Variants in TSC22D1 observed in about 807,000 individuals in gnomAD.
The protein encoded by TSC22D1 is TSC22 domain family protein 1.
TSC22D1 carries 9 observed loss-of-function variants against 74.2 expected under a neutral mutation model. That is an observed-to-expected ratio of 0.12 (90% CI 0.07 to 0.21). The LOEUF (loss-of-function observed/expected upper bound fraction) is 0.21. Among genes scored for constraint, TSC22D1 ranks in the 10% least tolerant of loss-of-function variants. TSC22D1 has a pLI of 1.00. For synonymous variants in TSC22D1, 586 were observed against 492.5 expected (o/e 1.19, Z -2.51); for missense variants, 1,427 against 1,304.7 (o/e 1.09, Z -1.44).
intron 1 of TSC22D1, among the ~76,000 whole-genome samples, chr13:44,555,749 CAA>C (rs572955074): frequency 1.4e-5 from 2 of 139,450 alleles, no homozygotes; most frequent in African/African-American, 2.6e-5. Context: ...ATTAAAATAC[CAA>C]AAAAAAAAAA....
At chr13:44,544,379 T>C (rs962065009) in intron 1 of TSC22D1, among the ~76,000 whole-genome samples, 30 of 149,682 alleles carry the variant, frequency 2.0e-4, no homozygotes, top group African/African-American at 7.4e-4. Flanking sequence ...CCCACCCAAG[T>C]TCTTCGGAAT....
chr13:44,468,871 A>G (rs902366593), intron 1 of TSC22D1, among the ~76,000 whole-genome samples: 1 of 135,182 alleles, frequency 7.4e-6, no homozygotes, highest in African/African-American at 2.5e-5. Flanking sequence ...GAAATTTTAT[A>G]TAACATAGTT....
chr13:44,531,233 T>A (rs974333396), intron 1 of TSC22D1, among the ~76,000 whole-genome samples: 1 of 152,228 alleles, frequency 6.6e-6, no homozygotes, highest in Non-Finnish European at 1.5e-5. Flanking sequence ...GGGAACTCTC[T>A]ACACTTACTG....
At chr13:44,452,573 GGTGA>G (rs948813630) in intron 1 of TSC22D1, 3 of 152,344 alleles carry the variant, frequency 2.0e-5, no homozygotes, top group Admixed American at 1.3e-4. Context: ...CATGGGGAAG[GGTGA>G]GTATGTCTTA....
rs1884056759 is a variant in TSC22D1, at chr13:44,574,564, T to C, written c.1511A>G (p.Gln504Arg). ...GAGAGCTGGTTGTTGCTGTTGTTGT[T>C]GTTGTTGCTGCTGCTGCTGCTGCAC... ...VVVQQQQQQQ[Q>R]QQQQQPALQG... Residue 504 changes from glutamine (Q) to arginine (R), a missense_variant, in exon 1 of 3, where the codon CAA (glutamine) becomes CGA (arginine). This residue lies in a region of TSC22D1 where 1,343 missense variants were observed against 1,191.5 expected (regional missense o/e 1.13). Transcript: ENST00000458659. The C allele has an allele frequency of 2.5e-6, 4 of 1,614,086 alleles. No individual in the cohort carries two copies. The East Asian group carries it at 8.9e-5, about 36-fold the overall frequency.
Position 44,573,214 on chromosome 13 carries a change from G to A in TSC22D1, c.2861C>T (p.Pro954Leu). The change falls in exon 1 of 3, where the codon CCG (proline) becomes CTG (leucine). Residue 954 changes from proline (P) to leucine (L), a missense_variant. Around this residue, in one of 3 missense-constraint regions of TSC22D1, gnomAD observed 1,343 missense variants for 1,191.5 expected, o/e 1.13. Transcript: ENST00000458659. ...SSLAASASLFPLKVLPLTTPL... is the reference protein window; with the variant it reads ...SSLAASASLFLLKVLPLTTPL... ...TGTCGTCAGCGGTAGCACCTTCAAC[G>A]GGAAAAGAGAAGCAGAGGCTGCTAG... The A allele has an allele frequency of 1.9e-6, 3 of 1,614,178 alleles. No individual in the cohort carries two copies. Among genetic ancestry groups the A allele is most frequent in the African/African-American group, 1.3e-5 (1 of 75,034 alleles).
rs901476581 is a variant in TSC22D1, at chr13:44,433,949, G to A, written c.*677C>T. ...TAAATAGTAGTTACAGTCCTCTATT[G>A]TACAAAATAGTTACACTACATACAC... is the stretch of plus-strand genomic sequence containing the variant. On this transcript the variant is annotated 3_prime_UTR_variant, in exon 3 of 3. Transcript: ENST00000458659. The A allele has an allele frequency of 2.6e-6, 4 of 1,524,290 alleles. No individual in the cohort carries two copies. Among genetic ancestry groups the A allele is most frequent in the Admixed American group, 4.1e-5 (2 of 48,360 alleles). 94.4% of individuals were successfully genotyped at this position (1,524,290 alleles called of 1,614,324 possible).
intron 1 of TSC22D1, among the ~76,000 whole-genome samples, chr13:44,541,450 A>G (rs1044978083): frequency 6.6e-6 from 1 of 152,168 alleles, no homozygotes; most frequent in Non-Finnish European, 1.5e-5. Flanking sequence ...ATATTAAAGA[A>G]AAGAAAAAAG....
At chr13:44,525,094 A>G (rs1192634668) in intron 1 of TSC22D1, among the ~76,000 whole-genome samples, 4 of 152,244 alleles carry the variant, frequency 2.6e-5, no homozygotes, top group Admixed American at 2.6e-4. Flanking sequence ...TTCTCTCTCT[A>G]GCTTTCTTGT....
At chr13:44,519,017 C>T (rs1352629185) in intron 1 of TSC22D1, among the ~76,000 whole-genome samples, 1 of 152,154 alleles carries the variant, frequency 6.6e-6, no homozygotes, top group Non-Finnish European at 1.5e-5. Context: ...GGATTTAGTG[C>T]CAATTATTTT....
rs765174022 is a variant in TSC22D1 at position 44,573,402 on chromosome 13, T to A, written c.2673A>T (p.Pro891=). 2 of 1,614,212 alleles carry A rather than the reference T, an allele frequency of 1.2e-6. No homozygotes were observed. Among genetic ancestry groups the A allele is most frequent in the Non-Finnish European group, 1.7e-6 (2 of 1,180,044 alleles). The change falls in exon 1 of 3, where the codon CCA becomes CCT. Residue 891 remains proline, a synonymous_variant. Transcript: ENST00000458659. ...NTNLPLAQQI[P]LSSTQFSAQS... The stretch of plus-strand genomic sequence containing the variant: ...GTGCGGAGAACTGGGTAGAACTTAG[T>A]GGTATCTGTTGTGCCAAAGGCAAAT...
intron 1 of TSC22D1, among the ~76,000 whole-genome samples, chr13:44,566,917 A>T (rs1429097307): frequency 1.3e-5 from 2 of 152,190 alleles, no homozygotes; most frequent in Non-Finnish European, 2.9e-5. Context: ...CATCTATATA[A>T]GTGGGATGTG....
At chr13:44,528,766 TAA>T (rs1245572297) in intron 1 of TSC22D1, among the ~76,000 whole-genome samples, 1 of 151,990 alleles carries the variant, frequency 6.6e-6, no homozygotes, top group Non-Finnish European at 1.5e-5. Flanking sequence ...GGCTAGCCAA[TAA>T]AAGACACCAA....
At chr13:44,521,180 A>G (rs928884693) in intron 1 of TSC22D1, among the ~76,000 whole-genome samples, 6 of 152,168 alleles carry the variant, frequency 3.9e-5, no homozygotes, top group African/African-American at 1.4e-4. Flanking sequence ...TCTTAAGACA[A>G]TTGAGAACCT....
intron 1 of TSC22D1, among the ~76,000 whole-genome samples, chr13:44,530,023 A>G (rs1880746196): frequency 6.6e-6 from 1 of 152,136 alleles, no homozygotes; most frequent in Non-Finnish European, 1.5e-5. Flanking sequence ...ATTCAGTGCA[A>G]TCCCAGTCAA....
At chr13:44,444,278 C>CAAAAAAAAAAAAAAAAAAAAAAAAAACAA (rs1875435246) in intron 1 of TSC22D1, among the ~76,000 whole-genome samples, 1 of 17,580 alleles carries the variant, frequency 5.7e-5, no homozygotes, top group Non-Finnish European at 9.5e-5. Flanking sequence ...GACTCTGTCT[C>CAAAAAAAAAAAAAAAAAAAAAAAAAACAA]AAAAAAAAAA....
chr13:44,448,934 A>C lies in TSC22D1; in HGVS notation c.2913-12839T>G, dbSNP rs182856251. ...GTGTGTGTAAGATGTTAGACCTGGAAGAATAAAGGGACCATAAAGTGAAAT... is the reference window on the plus strand; with the variant it reads ...GTGTGTGTAAGATGTTAGACCTGGACGAATAAAGGGACCATAAAGTGAAAT... On this transcript the variant is annotated intron_variant, in intron 1 of 2. Coordinates refer to ENST00000458659, the MANE Select transcript of TSC22D1 (RefSeq NM_183422.4). Among the ~76,000 whole-genome samples, 32 of 152,048 alleles carry C rather than the reference A, an allele frequency of 2.1e-4. 1 individual carries two copies. The highest frequency in any genetic ancestry group is 2.1e-3 in the Admixed American group (32 of 15,262).
chr13:44,477,308 T>C (rs1877964895), intron 1 of TSC22D1, among the ~76,000 whole-genome samples: 1 of 152,204 alleles, frequency 6.6e-6, no homozygotes, highest in Admixed American at 6.5e-5. Flanking sequence ...TATTAGACTA[T>C]CCTAGTCACT....
intron 1 of TSC22D1, among the ~76,000 whole-genome samples, chr13:44,548,368 G>A (rs1595155748): frequency 1.3e-5 from 2 of 152,172 alleles, no homozygotes; most frequent in Non-Finnish European, 2.9e-5. Context: ...ATAGAGACAC[G>A]TCACTGCACT....
Sources: gnomAD v4.1 joint callset for allele counts (sites outside exome capture counted in the v4.1 genomes callset) on GRCh38, gnomAD v4.1.1 for gene constraint, gnomAD v4.1.1 regional missense constraint, MANE v1.5 for transcripts, NCBI Gene and HGNC (gene_info 2026-07-23, HGNC 2026-07-21) for gene names.